Variants in INO80D observed in about 807,000 individuals in gnomAD.
INO80D encodes INO80 complex subunit D.
Under a neutral mutation model 87.6 loss-of-function variants are expected in INO80D, and 21 were observed. The ratio of observed to expected loss-of-function variants is 0.24; its 90% CI spans 0.17 to 0.35. The LOEUF is 0.35. Ranked by LOEUF, INO80D falls within the 10% of genes least tolerant of loss-of-function variation. INO80D has a pLI of 1.00. For missense variants in INO80D, 982 were observed against 1,280.7 expected (o/e 0.77, Z 3.56); for synonymous variants, 440 against 491.0 (o/e 0.90, Z 1.37).
chr2:206,051,505 G>T (rs567293856), intron 4 of INO80D, among the ~76,000 whole-genome samples: 2 of 151,998 alleles, frequency 1.3e-5, no homozygotes, highest in Non-Finnish European at 2.9e-5. Flanking sequence ...GAAGTGAAAG[G>T]CAAAATAAAC....
intron 5 of INO80D, among the ~76,000 whole-genome samples, chr2:206,036,306 C>T (rs888136253): frequency 6.6e-6 from 1 of 152,130 alleles, no homozygotes; most frequent in African/African-American, 2.4e-5. Context: ...TATAGTAGCA[C>T]AATTCGCAAC....
chr2:206,066,032 G>A (rs1331160597), intron 1 of INO80D, among the ~76,000 whole-genome samples: 1 of 152,194 alleles, frequency 6.6e-6, no homozygotes, highest in Non-Finnish European at 1.5e-5. Flanking sequence ...GGCCAGGGCA[G>A]GTGGATCACT....
intron 1 of INO80D, among the ~76,000 whole-genome samples, chr2:206,080,146 T>C (rs756086030): frequency 1.3e-5 from 2 of 152,204 alleles, no homozygotes; most frequent in Non-Finnish European, 2.9e-5. Flanking sequence ...CGTGTCTCTA[T>C]TGCAAAGCTC....
At chr2:206,060,821 A>G (rs1214848729) in intron 3 of INO80D, among the ~76,000 whole-genome samples, 1 of 151,974 alleles carries the variant, frequency 6.6e-6, no homozygotes, top group Non-Finnish European at 1.5e-5. Flanking sequence ...CGGCCTCCCA[A>G]AGTGCTGGGA....
At chr2:206,034,118 C>G (rs1559444646) in intron 5 of INO80D, among the ~76,000 whole-genome samples, 1 of 152,174 alleles carries the variant, frequency 6.6e-6, no homozygotes, top group South Asian at 2.1e-4. Flanking sequence ...AAATTACCAA[C>G]AAAAATCAGT....
chr2:206,037,485 G>A (rs1056010936), intron 5 of INO80D, among the ~76,000 whole-genome samples: 6 of 152,144 alleles, frequency 3.9e-5, no homozygotes, highest in Non-Finnish European at 7.4e-5. Context: ...GACCAAATAC[G>A]TGATGAGAAA....
chr2:206,017,603 A>G, intron 8 of INO80D, 77 bp downstream of exon 8: 1 of 1,202,482 alleles, frequency 8.3e-7, no homozygotes, highest in Non-Finnish European at 1.1e-6. Context: ...ATACATACAT[A>G]GTTTGTGCTA....
rs1687773197 is a variant in INO80D, at chr2:205,994,548, A to G, written c.*9820T>C. 3 of 152,284 alleles carry G rather than the reference A, an allele frequency of 2.0e-5. No homozygotes were observed. In the South Asian group the frequency reaches 6.2e-4, roughly 32 times the overall value. 9.4% of individuals were successfully genotyped at this position (152,284 alleles called of 1,614,324 possible). On this transcript the variant is annotated 3_prime_UTR_variant, in exon 11 of 11. Coordinates refer to ENST00000403263, the MANE Select transcript of INO80D (RefSeq NM_017759.5). ...TACAATTGCCAAGAGGCTTTTTGTT[A>G]AAGGCTACTTCTGATATCAGGTTCC...
intron 5 of INO80D, among the ~76,000 whole-genome samples, chr2:206,043,458 C>T (rs1348252333): frequency 6.6e-6 from 1 of 150,470 alleles, no homozygotes; most frequent in East Asian, 2.0e-4. Flanking sequence ...GCGTGAACTA[C>T]CGTGCTCAGC....
chr2:206,047,889 C>T (rs867204404), intron 4 of INO80D, among the ~76,000 whole-genome samples: 29 of 141,208 alleles, frequency 2.1e-4, no homozygotes, highest in Non-Finnish European at 2.6e-4. Flanking sequence ...CTCGCTCTGT[C>T]GCCCAGGCTG....
At chr2:206,026,312 A>G (rs577843607) in intron 6 of INO80D, among the ~76,000 whole-genome samples, 78 of 152,248 alleles carry the variant, frequency 5.1e-4, no homozygotes, top group African/African-American at 1.8e-3. Context: ...TTGGGAGGCC[A>G]AGGTGGGCAG....
chr2:206,051,455 A>T (rs914824210), intron 4 of INO80D, among the ~76,000 whole-genome samples: 6 of 152,160 alleles, frequency 3.9e-5, no homozygotes, highest in African/African-American at 1.4e-4. Flanking sequence ...ACATATAAAA[A>T]GCTCTTACCA....
intron 4 of INO80D, among the ~76,000 whole-genome samples, chr2:206,050,128 A>G (rs1434613276): frequency 3.3e-5 from 5 of 151,850 alleles, no homozygotes; most frequent in Admixed American, 6.6e-5. Flanking sequence ...GCGAGACTCT[A>G]TCTCAAAAAA....
At position 206,000,683 on chromosome 2, in the gene INO80D, T is replaced by G. The variant is rs925445322; in HGVS notation, c.*3685A>C. ...GAGCTTTAGTGTCAGTCACAGAAAA[T>G]GATGATTCTTAACTGCAGGTGAGAG... On this transcript the variant is annotated 3_prime_UTR_variant, in exon 11 of 11. Coordinates refer to ENST00000403263, the MANE Select transcript of INO80D (RefSeq NM_017759.5). 6.6e-6 allele frequency: 1 copy of G among 151,934 alleles called. No homozygotes were observed. The highest frequency in any genetic ancestry group is 2.4e-5 in the African/African-American group (1 of 41,358). 9.4% of individuals were successfully genotyped at this position (151,934 alleles called of 1,614,324 possible).
intron 1 of INO80D, among the ~76,000 whole-genome samples, chr2:206,076,348 G>C (rs896785497): frequency 3.3e-5 from 5 of 152,106 alleles, no homozygotes; most frequent in Admixed American, 2.6e-4. Flanking sequence ...TCTTAAAAAC[G>C]TTTTTCCATG....
chr2:206,071,448 C>A (rs1472818053), intron 1 of INO80D, among the ~76,000 whole-genome samples: 1 of 145,816 alleles, frequency 6.9e-6, no homozygotes, highest in Non-Finnish European at 1.5e-5. Flanking sequence ...GTGGGAAACT[C>A]TTCCTTAATG....
chr2:206,018,120 A>G (rs896046129), intron 7 of INO80D, among the ~76,000 whole-genome samples: 2 of 152,116 alleles, frequency 1.3e-5, no homozygotes, highest in Non-Finnish European at 2.9e-5. Context: ...AACTCCACTT[A>G]AAGTTCCACT....
chr2:206,033,708 A>T (rs543896041), intron 5 of INO80D, among the ~76,000 whole-genome samples: 3 of 152,088 alleles, frequency 2.0e-5, no homozygotes, highest in South Asian at 2.1e-4. Context: ...CTAAACCCAA[A>T]CCCAGCAGAA....
chr2:206,030,440 G>A (rs959939136), intron 5 of INO80D, among the ~76,000 whole-genome samples: 1 of 151,026 alleles, frequency 6.6e-6, no homozygotes, highest in Non-Finnish European at 1.5e-5. Flanking sequence ...TCCATCCTGG[G>A]TGACAGAGCA....
Sources: gnomAD v4.1 joint callset for allele counts (sites outside exome capture counted in the v4.1 genomes callset) on GRCh38, gnomAD v4.1.1 for gene constraint, MANE v1.5 for transcripts, NCBI Gene and HGNC (gene_info 2026-07-23, HGNC 2026-07-21) for gene names.